Variants in TOPBP1 observed in about 807,000 individuals in gnomAD.
TOPBP1 encodes DNA topoisomerase II binding protein 1, also known as DNA topoisomerase 2-binding protein 1.
TOPBP1 carries 28 observed loss-of-function variants against 167.7 expected under a neutral mutation model. The observed-to-expected ratio is 0.17, with a 90% CI of 0.12 to 0.23. The LOEUF (loss-of-function observed/expected upper bound fraction) is 0.23. TOPBP1 is among the 10% of genes least tolerant of loss of function. The pLI, the probability that TOPBP1 is intolerant of heterozygous loss-of-function variation, is 1.00. For synonymous variants in TOPBP1, 598 were observed against 611.4 expected, an observed-to-expected ratio of 0.98 and a Z score of 0.32; for missense variants, 1,554 against 1,809.6, an observed-to-expected ratio of 0.86 and a Z score of 2.56.
rs1576306718 is a variant in TOPBP1, at chr3:133,643,419, C to T, written c.1849-47G>A. 3 of 1,495,348 alleles carry T rather than the reference C, an allele frequency of 2.0e-6. No individual in the cohort carries two copies. In the East Asian group the frequency reaches 7.1e-5, roughly 35 times the overall value. The allele number at this position is 1,495,348 out of a possible 1,614,324, so 92.6% of individuals were successfully genotyped here. ...GTAAAGCCAACCTGAAATAAGCAAC[C>T]AGTGGTTAACACTGGTTCAGGTACA... On this transcript the variant is annotated intron_variant, in intron 11 of 27. Coordinates refer to ENST00000260810, the MANE Select transcript of TOPBP1 (RefSeq NM_007027.4).
chr3:133,611,077 T>A lies in TOPBP1; in HGVS notation c.4100A>T (p.Gln1367Leu). ...CATTGCTGCAAGTGCTAGTCTTCGT[T>A]GCTGTACATTGATTCCAGTCAGAAC... ...LDVLTGINVQQRRLALAAMRW... is the reference protein window; with the variant it reads ...LDVLTGINVQLRRLALAAMRW... The change falls in exon 25 of 28, where the codon CAA (glutamine) becomes CTA (leucine). Residue 1367 changes from glutamine to leucine, a missense_variant. Physicochemically the swap from Gln to Leu is moderately radical, Grantham distance 113 (BLOSUM62 -2). This residue lies in a region of TOPBP1 where 351 missense variants were observed against 432.9 expected (regional missense o/e 0.81). Coordinates refer to ENST00000260810, the MANE Select transcript of TOPBP1 (RefSeq NM_007027.4). The A allele has an allele frequency of 1.2e-6, 2 of 1,613,516 alleles. No homozygotes were observed. The highest frequency in any genetic ancestry group is 1.7e-6 in the Non-Finnish European group (2 of 1,179,564).
chr3:133,647,496 C>A (rs1047014255), intron 10 of TOPBP1, among the ~76,000 whole-genome samples: 1 of 152,110 alleles, frequency 6.6e-6, no homozygotes, highest in African/African-American at 2.4e-5. Context: ...GCCAACAGAA[C>A]AATTCACAGA....
intron 12 of TOPBP1, among the ~76,000 whole-genome samples, chr3:133,642,114 C>T (rs1022565123): frequency 6.6e-6 from 1 of 152,050 alleles, no homozygotes. Flanking sequence ...CTTAGCCTCC[C>T]GAGTAGCTGG....
At chr3:133,652,176 T>C (rs114310501) in intron 8 of TOPBP1, among the ~76,000 whole-genome samples, 57 of 151,424 alleles carry the variant, frequency 3.8e-4, no homozygotes, top group Non-Finnish European at 6.8e-4. Flanking sequence ...AGAAACTAAG[T>C]GCTCTCGAAA....
intron 10 of TOPBP1, among the ~76,000 whole-genome samples, chr3:133,645,214 T>A (rs1936034419): frequency 6.6e-6 from 1 of 152,202 alleles, no homozygotes; most frequent in Non-Finnish European, 1.5e-5. Flanking sequence ...TTAAGTACAC[T>A]GCAATATATA....
chr3:133,618,062 T>G, intron 21 of TOPBP1, 151 bp downstream of exon 21: 1 of 630,136 alleles, frequency 1.6e-6, no homozygotes, highest in Non-Finnish European at 2.7e-6. Flanking sequence ...ATTATTTTTC[T>G]GGCTCAAGTT....
chr3:133,602,983 C>T (rs1254381728), intron 27 of TOPBP1, among the ~76,000 whole-genome samples: 2 of 151,398 alleles, frequency 1.3e-5, no homozygotes, highest in Non-Finnish European at 2.9e-5. Context: ...GCAGCCTCCG[C>T]CTCACAGGTT....
chr3:133,613,228 C>A (rs1487049835), intron 23 of TOPBP1, among the ~76,000 whole-genome samples: 4 of 152,164 alleles, frequency 2.6e-5, no homozygotes, highest in Non-Finnish European at 4.4e-5. Context: ...CAGTATGCAT[C>A]TCTAGAATAT....
chr3:133,606,820 C>T (rs1279286577), intron 27 of TOPBP1, among the ~76,000 whole-genome samples: 1 of 151,938 alleles, frequency 6.6e-6, no homozygotes, highest in Non-Finnish European at 1.5e-5. Flanking sequence ...AAAAAACCAG[C>T]CCTAGTCCAT....
chr3:133,641,154 T>C (rs1935878947), intron 12 of TOPBP1, among the ~76,000 whole-genome samples: 1 of 152,186 alleles, frequency 6.6e-6, no homozygotes, highest in African/African-American at 2.4e-5. Context: ...CACCAATCCA[T>C]TCAGTACTTA....
intron 16 of TOPBP1, 99 bp downstream of exon 16, chr3:133,628,263 A>G: frequency 8.8e-7 from 1 of 1,140,362 alleles, no homozygotes; most frequent in Non-Finnish European, 1.2e-6. Context: ...AAGATGCATG[A>G]AACAAAATAA....
At chr3:133,619,829 T>C (rs942271109) in intron 20 of TOPBP1, among the ~76,000 whole-genome samples, 5 of 152,260 alleles carry the variant, frequency 3.3e-5, no homozygotes, top group Admixed American at 6.5e-5. Flanking sequence ...CAAATCTCCA[T>C]GTCTGCTCCA....
chr3:133,606,121 G>A (rs1300118798), intron 27 of TOPBP1, among the ~76,000 whole-genome samples: 1 of 152,092 alleles, frequency 6.6e-6, no homozygotes, highest in Non-Finnish European at 1.5e-5. Flanking sequence ...CTGGGAGGCA[G>A]AGGTTGCAGT....
chr3:133,608,167 A>G (rs1379083616), intron 27 of TOPBP1, among the ~76,000 whole-genome samples: 7 of 152,176 alleles, frequency 4.6e-5, no homozygotes, highest in Non-Finnish European at 8.8e-5. Context: ...TAACATAGGT[A>G]TTTAATGTAC....
chr3:133,652,447 T>C lies in TOPBP1; in HGVS notation c.1089+16A>G, dbSNP rs754410840. On this transcript the variant is annotated intron_variant, in intron 8 of 27. Transcript: ENST00000260810. ...TGTATATCATCTACTGCATGTATTA[T>C]ATAATAAAGACGTACCCGACAACCA... The C allele has an allele frequency of 4.3e-6, 7 of 1,610,740 alleles. No individual in the cohort carries two copies. The highest frequency in any genetic ancestry group is 5.9e-6 in the Non-Finnish European group (7 of 1,179,420).
chr3:133,629,336 G>A (rs749772070), intron 14 of TOPBP1, among the ~76,000 whole-genome samples: 2 of 152,092 alleles, frequency 1.3e-5, no homozygotes, highest in Non-Finnish European at 1.5e-5. Context: ...ATAAGCTTTC[G>A]GTTAACAGTC....
Position 133,628,727 on chromosome 3 carries a change from G to C in TOPBP1, c.2527C>G (p.Leu843Val), listed in dbSNP as rs1935358343. ...FKPSFDVKDA[L>V]AALETPGRPS... The stretch of plus-strand genomic sequence containing the variant: ...CGTCCTGGAGTTTCCAAGGCTGCAA[G>C]TGCATCCTATACATATGAAGGAGAG... Residue 843 changes from leucine to valine, a missense_variant, in exon 15 of 28, where the codon CTT becomes GTT. This residue lies in a region of TOPBP1 where 1,197 missense variants were observed against 1,351.5 expected (regional missense o/e 0.89). Coordinates refer to ENST00000260810, the MANE Select transcript of TOPBP1 (RefSeq NM_007027.4). 1.3e-6 allele frequency: 2 copies of C among 1,552,122 alleles called. No individual in the cohort carries two copies. The highest frequency in any genetic ancestry group is 1.7e-6 in the Non-Finnish European group (2 of 1,147,138).
Position 133,623,378 on chromosome 3 carries a change from G to T in TOPBP1, c.3008C>A (p.Ala1003Glu), listed in dbSNP as rs1559814603. ...ATTACAGAGCCGGCCATCTTGCACTGCGCTGATATCCAAGCTCATTTTGGG... is the reference window on the plus strand; with the variant it reads ...ATTACAGAGCCGGCCATCTTGCACTTCGCTGATATCCAAGCTCATTTTGGG... ...YNPKMSLDIS[A>E]VQDGRLCNSR... The change falls in exon 18 of 28, where the codon GCA becomes GAA. Residue 1003 changes from alanine (A) to glutamate (E), a missense_variant. Physicochemically the swap from Ala to Glu is moderately radical, Grantham distance 107. Around this residue, in one of 3 missense-constraint regions of TOPBP1, gnomAD observed 1,197 missense variants for 1,351.5 expected, o/e 0.89. Transcript: ENST00000260810. The T allele has an allele frequency of 6.2e-7, 1 of 1,613,382 alleles. No individual in the cohort carries two copies. Among genetic ancestry groups the T allele is most frequent in the Non-Finnish European group, 8.5e-7 (1 of 1,179,612 alleles).
In TOPBP1 at chr3:133,653,423, A is replaced by G; in HGVS notation, c.844T>C (p.Tyr282His). The G allele has an allele frequency of 6.2e-7, 1 of 1,613,352 alleles. No homozygotes were observed. Among genetic ancestry groups the G allele is most frequent in the Non-Finnish European group, 8.5e-7 (1 of 1,179,688 alleles). Residue 282 changes from tyrosine (Y) to histidine (H), a missense_variant, in exon 7 of 28, where the codon TAC becomes CAC. Around this residue, in one of 3 missense-constraint regions of TOPBP1, gnomAD observed 1,197 missense variants for 1,351.5 expected, o/e 0.89. Coordinates refer to ENST00000260810, the MANE Select transcript of TOPBP1 (RefSeq NM_007027.4). ...EKGFCQDESI[Y>H]KTEPRPEAKT... ...GCTTCTGGTCTAGGTTCTGTCTTGTATATGGATTCATCCTGACAAAAACCT... is the reference window on the plus strand; with the variant it reads ...GCTTCTGGTCTAGGTTCTGTCTTGTGTATGGATTCATCCTGACAAAAACCT...
Sources: gnomAD v4.1 joint callset for allele counts (sites outside exome capture counted in the v4.1 genomes callset) on GRCh38, gnomAD v4.1.1 for gene constraint, gnomAD v4.1.1 regional missense constraint, MANE v1.5 for transcripts, NCBI Gene and HGNC (gene_info 2026-07-23, HGNC 2026-07-21) for gene names.